The following SEC22C variants were observed in gnomAD, a reference collection of about 807,000 sequenced individuals.
SEC22C encodes vesicle-trafficking protein SEC22c.
Under a neutral mutation model 34.7 loss-of-function variants are expected in SEC22C, and 29 were observed. The ratio of observed to expected loss-of-function variants is 0.84; its 90% CI spans 0.62 to 1.14. SEC22C has a LOEUF of 1.14. Ranked by LOEUF, SEC22C falls within the 50% of genes most tolerant of loss-of-function variation. The pLI is 0.00. For missense variants in SEC22C, 337 were observed against 369.0 expected (o/e 0.91, Z 0.71); for synonymous variants, 117 against 132.8 (o/e 0.88, Z 0.82).
chr3:42,589,985 A>G (rs1015452281), intron 1 of SEC22C, among the ~76,000 whole-genome samples: 9 of 152,192 alleles, frequency 5.9e-5, no homozygotes, highest in African/African-American at 1.9e-4. Flanking sequence ...AGAGTTCTAA[A>G]GCCAGGCTGC....
Position 42,557,576 on chromosome 3 carries a change from A to G in SEC22C, c.645+2T>C. On this transcript the variant is annotated splice_donor_variant, in intron 5 of 6. Coordinates refer to ENST00000264454, the MANE Select transcript of SEC22C (RefSeq NM_032970.4). LOFTEE classifies it high-confidence loss of function. ...CTGTTTTAAAAAAAAAAAAAAGGTT[A>G]CCTGTAAAGAATGTTCTGCAAGGTG... 7.1e-7 allele frequency: 1 copy of G among 1,415,344 alleles called. No individual in the cohort carries two copies. Among genetic ancestry groups the G allele is most frequent in the Non-Finnish European group, 9.7e-7 (1 of 1,033,774 alleles). 87.7% of individuals were successfully genotyped at this position (1,415,344 alleles called of 1,614,324 possible).
In SEC22C at chr3:42,549,388, G is replaced by C; in HGVS notation, c.*3860C>G. On this transcript the variant is annotated 3_prime_UTR_variant, in exon 7 of 7. Coordinates refer to ENST00000264454, the MANE Select transcript of SEC22C (RefSeq NM_032970.4). Reference sequence around the variant, plus strand: ...CACAGAACAGCAAATAGCAGCCCTGGCTACAAGGTGCAGTGTGCAACCCCC... The same window carrying C: ...CACAGAACAGCAAATAGCAGCCCTGCCTACAAGGTGCAGTGTGCAACCCCC... 5 of 985,602 alleles carry C rather than the reference G, an allele frequency of 5.1e-6. No homozygotes were observed. The highest frequency in any genetic ancestry group is 6.0e-6 in the Non-Finnish European group (5 of 830,050). 61.1% of individuals were successfully genotyped at this position (985,602 alleles called of 1,614,324 possible). A position where few individuals can be genotyped will look rare whatever the true frequency, so the allele number is the denominator to read the frequency against.
At chr3:42,590,850 A>G (rs1461587112) in intron 1 of SEC22C, 1 of 1,590,728 alleles carries the variant, frequency 6.3e-7, no homozygotes, top group Non-Finnish European at 8.6e-7. Flanking sequence ...GGCCCCACCT[A>G]TCGTGGGTCG....
At chr3:42,577,025 G>A (rs1271028464) in intron 1 of SEC22C, among the ~76,000 whole-genome samples, 2 of 152,102 alleles carry the variant, frequency 1.3e-5, no homozygotes, top group Non-Finnish European at 2.9e-5. Context: ...TTTAAGGGAG[G>A]AAGGGTAGTC....
At position 42,553,372 on chromosome 3, in the gene SEC22C, T is replaced by C. The variant is rs1702344164; in HGVS notation, c.788A>G (p.Asn263Ser). The change falls in exon 7 of 7, where the codon AAC (asparagine) becomes AGC (serine). Residue 263 changes from asparagine (N) to serine (S), a missense_variant. Coordinates refer to ENST00000264454, the MANE Select transcript of SEC22C (RefSeq NM_032970.4). ...VLMLLFICLG[N>S]MYLHGLRNLW... ...GTTCCTCAGCCCGTGCAGGTACATG[T>C]TGCCCAGGCAAATAAAGAGCAGCAT... is the stretch of plus-strand genomic sequence containing the variant. The C allele has an allele frequency of 1.2e-6, 2 of 1,614,054 alleles. No homozygotes were observed. Among genetic ancestry groups the C allele is most frequent in the Admixed American group, 1.7e-5 (1 of 59,982 alleles).
chr3:42,561,125 A>C lies in SEC22C; in HGVS notation c.518T>G (p.Leu173Trp), dbSNP rs752899388. ...AACAACAAGCCACTTACCAGGCTCC[A>C]AGTGCATCGGTGTGTGACCATTCAT... ...GVMNGHTPMHLEPAPNFRMEP... is the reference protein window; with the variant it reads ...GVMNGHTPMHWEPAPNFRMEP... The change falls in exon 4 of 7, where the codon TTG becomes TGG. Residue 173 changes from leucine (L) to tryptophan (W), a missense_variant. Coordinates refer to ENST00000264454, the MANE Select transcript of SEC22C (RefSeq NM_032970.4). 13 of 1,612,792 alleles carry C rather than the reference A, an allele frequency of 8.1e-6. No homozygotes were observed. In the East Asian group the frequency reaches 2.9e-4, roughly 36 times the overall value.
chr3:42,593,414 C>CT, intron 1 of SEC22C, among the ~76,000 whole-genome samples: 1 of 152,074 alleles, frequency 6.6e-6, no homozygotes, highest in Non-Finnish European at 1.5e-5. Context: ...AAGACTCCGT[C>CT]TCAATAAATA....
Position 42,548,210 on chromosome 3 carries a change from C to T in SEC22C, c.*5038G>A. 5.7e-6 allele frequency: 1 copy of T among 174,324 alleles called. No homozygotes were observed. Among genetic ancestry groups the T allele is most frequent in the Non-Finnish European group, 1.2e-5 (1 of 82,406 alleles). The allele number at this position is 174,324 out of a possible 1,614,324, so 10.8% of individuals were successfully genotyped here. A position where few individuals can be genotyped will look rare whatever the true frequency, so the allele number is the denominator to read the frequency against. Reference sequence around the variant, plus strand: ...AATATGTAAAGTAAATGGTTTTGCCCTGACTAAATCAGCCTCAGTATTTTA... The same window carrying T: ...AATATGTAAAGTAAATGGTTTTGCCTTGACTAAATCAGCCTCAGTATTTTA... On this transcript the variant is annotated 3_prime_UTR_variant, in exon 7 of 7. Transcript: ENST00000264454.
chr3:42,587,782 T>C (rs1366910270), intron 1 of SEC22C, among the ~76,000 whole-genome samples: 1 of 150,778 alleles, frequency 6.6e-6, no homozygotes, highest in East Asian at 2.0e-4. Flanking sequence ...CTCAAAACCT[T>C]CGCTTTAGGC....
upstream of SEC22C, among the ~76,000 whole-genome samples, chr3:42,583,501 C>T (rs1704502465): frequency 1.3e-5 from 2 of 152,134 alleles, no homozygotes; most frequent in South Asian, 4.1e-4. Context: ...TGATCTTGAG[C>T]TCCATCTTAG....
At position 42,550,236 on chromosome 3, in the gene SEC22C, T is replaced by C; in HGVS notation, c.*3012A>G. The C allele has an allele frequency of 1.0e-6, 1 of 985,492 alleles. No individual in the cohort carries two copies. Among genetic ancestry groups the C allele is most frequent in the Non-Finnish European group, 1.2e-6 (1 of 829,956 alleles). The allele number at this position is 985,492 out of a possible 1,614,324, so 61.0% of individuals were successfully genotyped here. A position where few individuals can be genotyped will look rare whatever the true frequency, so the allele number is the denominator to read the frequency against. On this transcript the variant is annotated 3_prime_UTR_variant, in exon 7 of 7. Coordinates refer to ENST00000264454, the MANE Select transcript of SEC22C (RefSeq NM_032970.4). ...ATACCAGAAGGCACCTCTAAAGTTTTGTTTTCAACATTATTTCATCTATTC... is the reference window on the plus strand; with the variant it reads ...ATACCAGAAGGCACCTCTAAAGTTTCGTTTTCAACATTATTTCATCTATTC...
intron 1 of SEC22C, among the ~76,000 whole-genome samples, chr3:42,577,800 T>C (rs1405544685): frequency 6.6e-6 from 1 of 152,028 alleles, no homozygotes; most frequent in Non-Finnish European, 1.5e-5. Flanking sequence ...TGAAACCCCA[T>C]CTCTACTAAA....
upstream of SEC22C, among the ~76,000 whole-genome samples, chr3:42,585,151 AAAAC>A (rs541141009): frequency 8.5e-4 from 130 of 152,228 alleles, 1 homozygote; most frequent in East Asian, 0.012. Flanking sequence ...AAAACAAAAC[AAAAC>A]AAACAAACAA....
In SEC22C at chr3:42,568,867, T is replaced by C. The variant is rs1703428934; in HGVS notation, c.180A>G (p.Ile60Met). The change falls in exon 2 of 7, where the codon ATA becomes ATG. Residue 60 changes from isoleucine (I) to methionine (M), a missense_variant and splice_region_variant. By Grantham distance (10) the Ile-to-Met change is conservative. Transcript: ENST00000264454. ...RGSAEGCDFS[I>M]HFSSFGDVAC... The stretch of plus-strand genomic sequence containing the variant: ...AAAAAGTGAATATGATCACTTACTG[T>C]ATACTAAAGTCACAACCTTCTGCAG... The C allele has an allele frequency of 5.0e-6, 8 of 1,613,922 alleles. No homozygotes were observed. The highest frequency in any genetic ancestry group is 1.1e-5 in the South Asian group (1 of 91,078).
intron 1 of SEC22C, chr3:42,600,653 G>A (rs1705283080): frequency 1.6e-5 from 3 of 182,778 alleles, no homozygotes; most frequent in Non-Finnish European, 3.4e-5. Flanking sequence ...GCGGGGTTTA[G>A]CGTGGCATTG....
At position 42,598,521 on chromosome 3, in the gene SEC22C, G is replaced by A. The variant is rs1316077730; in HGVS notation, c.-28+2439C>T. Among the ~76,000 whole-genome samples, 5 of 151,878 alleles carry A rather than the reference G, an allele frequency of 3.3e-5. No individual in the cohort carries two copies. In the South Asian group the frequency reaches 6.2e-4, roughly 19 times the overall value. ...TTTTTGTATTTTTAGTAGAGACGGC[G>A]TTTCATCATGTTGGCCAGGCTGGTC... is the stretch of plus-strand genomic sequence containing the variant. On this transcript the variant is annotated intron_variant, in intron 1 of 6. Coordinates refer to the SEC22C transcript ENST00000417572.
At chr3:42,561,504 T>C (rs1344280769) in intron 3 of SEC22C, among the ~76,000 whole-genome samples, 1 of 152,130 alleles carries the variant, frequency 6.6e-6, no homozygotes, top group Non-Finnish European at 1.5e-5. Flanking sequence ...GCCTCCCAAG[T>C]AGCTGAGACC....
chr3:42,564,014 A>G (rs1004853646), intron 2 of SEC22C: 20 of 1,090,848 alleles, frequency 1.8e-5, no homozygotes, highest in South Asian at 1.6e-5. Flanking sequence ...TTTAATCTAC[A>G]TCAACAGATT....
chr3:42,549,537 ACT>A lies in SEC22C; in HGVS notation c.*3709_*3710del. ...GCTGGCCTGCTGGCTATTGTCTCTG[ACT>A]CTGAGCTGTGCTGACCACCAAGTGT... On this transcript the variant is annotated 3_prime_UTR_variant, in exon 7 of 7. Transcript: ENST00000264454. 11 of 980,076 alleles carry A rather than the reference ACT, an allele frequency of 1.1e-5. No homozygotes were observed. The highest frequency in any genetic ancestry group is 1.3e-5 in the Non-Finnish European group (11 of 829,570). 60.7% of individuals were successfully genotyped at this position (980,076 alleles called of 1,614,324 possible).
Sources: allele counts gnomAD v4.1 joint callset (sites outside exome capture counted in the v4.1 genomes callset), GRCh38; gene constraint gnomAD v4.1.1; transcripts MANE v1.5; gene names NCBI Gene and HGNC (gene_info 2026-07-23, HGNC 2026-07-21).